Variants in INPP4B observed in about 807,000 individuals in gnomAD.
INPP4B encodes the protein inositol polyphosphate-4-phosphatase type II B, also known as inositol polyphosphate 4-phosphatase type II.
INPP4B carries 55 observed loss-of-function variants against 122.5 expected under a neutral mutation model. The ratio of observed to expected loss-of-function variants is 0.45; its 90% CI spans 0.36 to 0.56. The LOEUF (loss-of-function observed/expected upper bound fraction) is 0.56, where lower values mean the gene tolerates loss of function less well. Among genes scored for constraint, INPP4B ranks in the 20% least tolerant of loss-of-function variants. The probability of loss-of-function intolerance (pLI) is 0.00; values close to 1 mark genes in which losing one functional copy is unlikely to be tolerated. For missense variants in INPP4B, 1,000 were observed against 1,097.7 expected (o/e 0.91, Z 1.26); for synonymous variants, 403 against 388.7 (o/e 1.04, Z -0.43).
chr4:142,320,434 C>T (rs906765203), intron 7 of INPP4B, among the ~76,000 whole-genome samples: 1 of 152,170 alleles, frequency 6.6e-6, no homozygotes, highest in Non-Finnish European at 1.5e-5. Flanking sequence ...AAATAAACTT[C>T]CATCGTGCTA....
At chr4:142,317,303 G>A in intron 7 of INPP4B, 1 of 378,162 alleles carries the variant, frequency 2.6e-6, no homozygotes, top group Non-Finnish European at 5.3e-6. Flanking sequence ...ATCTTATCAG[G>A]CTCAGCCTAG....
At chr4:142,592,245 G>A (rs1057401927) in intron 2 of INPP4B, among the ~76,000 whole-genome samples, 2 of 152,170 alleles carry the variant, frequency 1.3e-5, no homozygotes, top group Admixed American at 6.5e-5. Context: ...ATGTAGGTGT[G>A]TAAACCAACC....
chr4:142,515,767 G>A (rs187686756), intron 2 of INPP4B, among the ~76,000 whole-genome samples: 1 of 152,218 alleles, frequency 6.6e-6, no homozygotes, highest in East Asian at 1.9e-4. Context: ...AAACCACAGA[G>A]CCAGTGATGT....
At chr4:142,795,321 A>C (rs1777083818) in intron 1 of INPP4B, 1 of 152,020 alleles carries the variant, frequency 6.6e-6, no homozygotes, top group African/African-American at 2.4e-5. Flanking sequence ...ATGTCTTAGG[A>C]AGAACAGACA....
At chr4:142,058,846 A>G (rs2667110) in intron 25 of INPP4B, among the ~76,000 whole-genome samples, 135,339 of 152,070 alleles carry the variant, frequency 0.89, 61,733 homozygotes, top group Non-Finnish European at 0.98. Context: ...GAACAGTGAT[A>G]GTGTTTACAA....
At chr4:142,499,523 A>G (rs1353643509) in intron 2 of INPP4B, among the ~76,000 whole-genome samples, 1 of 152,192 alleles carries the variant, frequency 6.6e-6, no homozygotes, top group Non-Finnish European at 1.5e-5. Context: ...TAAGATTTTA[A>G]TGTGTTACTC....
At chr4:142,628,683 T>C (rs1246815850) in intron 2 of INPP4B, among the ~76,000 whole-genome samples, 1 of 152,072 alleles carries the variant, frequency 6.6e-6, no homozygotes, top group Non-Finnish European at 1.5e-5. Context: ...CATCCTTTTT[T>C]ATAGACATTT....
At chr4:142,487,314 G>A (rs1195550976) in intron 2 of INPP4B, among the ~76,000 whole-genome samples, 1 of 152,028 alleles carries the variant, frequency 6.6e-6, no homozygotes, top group Non-Finnish European at 1.5e-5. Context: ...GTGTAAAAAT[G>A]GACTAATACA....
intron 2 of INPP4B, among the ~76,000 whole-genome samples, chr4:142,481,274 A>G (rs1193392623): frequency 6.6e-6 from 1 of 152,122 alleles, no homozygotes; most frequent in East Asian, 1.9e-4. Context: ...GTAGAAGAAA[A>G]TATTTCCGGT....
intron 2 of INPP4B, among the ~76,000 whole-genome samples, chr4:142,611,247 G>T (rs1050221166): frequency 5.3e-5 from 8 of 151,164 alleles, no homozygotes; most frequent in Non-Finnish European, 7.4e-5. Flanking sequence ...AGCACCAAGG[G>T]ATGGTGCTAA....
chr4:142,616,285 G>A (rs922155863), intron 2 of INPP4B, among the ~76,000 whole-genome samples: 2 of 152,106 alleles, frequency 1.3e-5, no homozygotes, highest in Non-Finnish European at 2.9e-5. Context: ...GATTCCTAGA[G>A]AGGGAGTCTT....
At chr4:142,062,852 G>C (rs1247046937) in intron 25 of INPP4B, among the ~76,000 whole-genome samples, 2 of 152,152 alleles carry the variant, frequency 1.3e-5, no homozygotes, top group Non-Finnish European at 2.9e-5. Context: ...TGGACCAGAA[G>C]ATACCTAGTT....
At position 142,405,425 on chromosome 4, in the gene INPP4B, GA is replaced by G. The variant is rs1803103947; in HGVS notation, c.137-102del. The G allele has an allele frequency of 5.6e-6, 4 of 711,588 alleles. No individual in the cohort carries two copies. In the Admixed American group the frequency reaches 6.3e-5, roughly 11 times the overall value. 44.1% of individuals were successfully genotyped at this position (711,588 alleles called of 1,614,324 possible). The stretch of plus-strand genomic sequence containing the variant: ...AGTGAACTTAGCTACAGCACTGAAG[GA>G]AATCTCCTGGGGCTCAGGCTGGTTT... On this transcript the variant is annotated intron_variant, in intron 5 of 25. Transcript: ENST00000262992.
intron 7 of INPP4B, among the ~76,000 whole-genome samples, chr4:142,325,862 T>C (rs2151472585): frequency 6.6e-6 from 1 of 152,306 alleles, no homozygotes; most frequent in South Asian, 2.1e-4. Context: ...TAATTCTGAG[T>C]ATCCCTGCCA....
At chr4:142,631,493 A>G (rs967381005) in intron 2 of INPP4B, among the ~76,000 whole-genome samples, 7 of 152,148 alleles carry the variant, frequency 4.6e-5, no homozygotes, top group African/African-American at 7.2e-5. Flanking sequence ...CAAAACAAAA[A>G]GAGAAGGAGA....
chr4:142,635,569 A>C (rs908556435), intron 2 of INPP4B, among the ~76,000 whole-genome samples: 7 of 152,296 alleles, frequency 4.6e-5, no homozygotes, highest in African/African-American at 1.4e-4. Flanking sequence ...ACATGGATGG[A>C]GCTAGAGGCT....
At chr4:142,333,022 A>AAC (rs1554037948) in intron 7 of INPP4B, among the ~76,000 whole-genome samples, 143 of 150,786 alleles carry the variant, frequency 9.5e-4, no homozygotes, top group African/African-American at 3.2e-3. Context: ...AAAAAAAAAA[A>AAC]AAAAACAAAA....
intron 7 of INPP4B, among the ~76,000 whole-genome samples, chr4:142,391,128 C>T (rs879534488): frequency 6.6e-6 from 1 of 152,176 alleles, no homozygotes; most frequent in Admixed American, 6.5e-5. Flanking sequence ...TCAGCCAATA[C>T]TAAAATTGTT....
At chr4:142,314,617 T>A (rs1296642721) in intron 8 of INPP4B, 95 bp downstream of exon 8, 3 of 1,166,784 alleles carry the variant, frequency 2.6e-6, no homozygotes, top group Non-Finnish European at 3.7e-6. Flanking sequence ...TAATTCAATT[T>A]TATTTGTCAG....
Sources: allele counts gnomAD v4.1 joint callset (sites outside exome capture counted in the v4.1 genomes callset), GRCh38; gene constraint gnomAD v4.1.1; transcripts MANE v1.5; gene names NCBI Gene and HGNC (gene_info 2026-07-23, HGNC 2026-07-21).